The following SLC38A1 variants were observed in gnomAD, a reference collection of about 807,000 sequenced individuals.
SLC38A1 encodes solute carrier family 38 member 1.
Under a neutral mutation model 60.3 loss-of-function variants are expected in SLC38A1, and 18 were observed. That is an observed-to-expected ratio of 0.30 (90% CI 0.21 to 0.44). SLC38A1 has a LOEUF of 0.44. SLC38A1 is among the 20% of genes least tolerant of loss of function. SLC38A1 has a pLI of 1.00. For missense variants in SLC38A1, 448 were observed against 587.2 expected (o/e 0.76, Z 2.45); for synonymous variants, 196 against 212.1 (o/e 0.92, Z 0.66).
chr12:46,256,338 C>T (rs1037019630), intron 1 of SLC38A1, among the ~76,000 whole-genome samples: 2 of 151,972 alleles, frequency 1.3e-5, no homozygotes, highest in African/African-American at 4.8e-5. Context: ...AAAGGCATTA[C>T]ACTTTTTACT....
At position 46,186,335 on chromosome 12, in the gene SLC38A1, T is replaced by C. The variant is rs1938936015; in HGVS notation, c.*2635A>G. On this transcript the variant is annotated 3_prime_UTR_variant, in exon 17 of 17. Coordinates refer to ENST00000398637, the MANE Select transcript of SLC38A1 (RefSeq NM_030674.4). ...TAAGTCCAAAGTGTGGAACTGGCAC[T>C]GTTCACTAGTATAGAGATCCTACCT... The C allele has an allele frequency of 6.6e-6, 1 of 152,232 alleles. No homozygotes were observed. Among genetic ancestry groups the C allele is most frequent in the Non-Finnish European group, 1.5e-5 (1 of 68,032 alleles). 9.4% of individuals were successfully genotyped at this position (152,232 alleles called of 1,614,324 possible).
chr12:46,192,210 G>C (rs1296181126), intron 16 of SLC38A1, among the ~76,000 whole-genome samples: 1 of 152,172 alleles, frequency 6.6e-6, no homozygotes, highest in Non-Finnish European at 1.5e-5. Context: ...TTTGTCATTG[G>C]TTCTGTTTAT....
At chr12:46,216,017 T>C (rs757282244) in intron 5 of SLC38A1, among the ~76,000 whole-genome samples, 1 of 152,144 alleles carries the variant, frequency 6.6e-6, no homozygotes, top group Non-Finnish European at 1.5e-5. Context: ...AGACAAACCA[T>C]AGGAAATGCA....
At chr12:46,189,937 TA>T (rs754143548) in intron 16 of SLC38A1, among the ~76,000 whole-genome samples, 27 of 152,014 alleles carry the variant, frequency 1.8e-4, no homozygotes, top group African/African-American at 5.3e-4. Flanking sequence ...CTGTCTCAGG[TA>T]TTTTTTTTTA....
At chr12:46,247,021 T>C (rs768985195) in intron 1 of SLC38A1, among the ~76,000 whole-genome samples, 13 of 151,966 alleles carry the variant, frequency 8.6e-5, no homozygotes, top group Non-Finnish European at 1.3e-4. Context: ...CAAAACCCCA[T>C]CTGTAGGTCA....
intron 1 of SLC38A1, among the ~76,000 whole-genome samples, chr12:46,244,457 G>A (rs1411050507): frequency 2.6e-5 from 4 of 152,184 alleles, no homozygotes; most frequent in South Asian, 2.1e-4. Context: ...TTGCAGCTAG[G>A]TTTCTAGATA....
intron 16 of SLC38A1, among the ~76,000 whole-genome samples, chr12:46,194,968 G>A (rs1374259669): frequency 6.6e-6 from 1 of 152,076 alleles, no homozygotes; most frequent in Admixed American, 6.5e-5. Flanking sequence ...GTCTAGTTTT[G>A]TTCCCTTGCT....
At chr12:46,201,300 A>G in intron 12 of SLC38A1, 102 bp from the exon 13 acceptor site, 1 of 960,142 alleles carries the variant, frequency 1.0e-6, no homozygotes, top group East Asian at 2.6e-5. Context: ...CTGTCAGGTT[A>G]GGGAAGATCT....
rs371916780 is a variant in SLC38A1 at position 46,207,566 on chromosome 12, G to A, written c.444C>T (p.Phe148=). ...GEQVFGTTGK[F]VIFGATSLQN... ...GTAGAGAGGTGGCTCCAAAGATTACGAACTTCCCTGTGGTGCCAAAGACTT... is the reference window on the plus strand; with the variant it reads ...GTAGAGAGGTGGCTCCAAAGATTACAAACTTCCCTGTGGTGCCAAAGACTT... The change falls in exon 7 of 17, where the codon TTC becomes TTT. Residue 148 remains phenylalanine (F), a synonymous_variant. Transcript: ENST00000398637. The A allele has an allele frequency of 3.1e-6, 5 of 1,613,842 alleles. No individual in the cohort carries two copies. Among genetic ancestry groups the A allele is most frequent in the Admixed American group, 1.7e-5 (1 of 60,004 alleles).
Position 46,189,078 on chromosome 12 carries a change from C to A in SLC38A1, c.1363-7G>T, listed in dbSNP as rs772833550. 6.2e-7 allele frequency: 1 copy of A among 1,612,114 alleles called. No homozygotes were observed. The highest frequency in any genetic ancestry group is 1.1e-5 in the South Asian group (1 of 90,980). ...GGCCCAAGAAAAGGGCAGCCTGGAG[C>A]AAGAGAAAGGCAAGGGTTATTTTCA... On this transcript the variant is annotated splice_polypyrimidine_tract_variant and splice_region_variant and intron_variant, in intron 16 of 16. Coordinates refer to ENST00000398637, the MANE Select transcript of SLC38A1 (RefSeq NM_030674.4).
intron 1 of SLC38A1, among the ~76,000 whole-genome samples, chr12:46,258,592 C>T (rs990471773): frequency 3.9e-5 from 6 of 152,144 alleles, no homozygotes; most frequent in South Asian, 2.1e-4. Flanking sequence ...ACTTGGGCAT[C>T]GTGTCAGTGC....
At chr12:46,204,239 T>C in intron 11 of SLC38A1, 62 bp downstream of exon 11, 2 of 1,020,392 alleles carry the variant, frequency 2.0e-6, no homozygotes, top group South Asian at 2.6e-5. Context: ...ATTACAAGCA[T>C]GAGAAATAGA....
chr12:46,201,451 A>T (rs1248539170), intron 12 of SLC38A1, among the ~76,000 whole-genome samples: 1 of 152,192 alleles, frequency 6.6e-6, no homozygotes, highest in African/African-American at 2.4e-5. Flanking sequence ...TCGAGTTCTC[A>T]TCGGAAGGGC....
intron 12 of SLC38A1, among the ~76,000 whole-genome samples, chr12:46,202,191 CA>C (rs766799734): frequency 0.015 from 1,058 of 68,482 alleles, 6 homozygotes; most frequent in African/African-American, 0.072. Flanking sequence ...GACTCTGTCT[CA>C]AAAAAAAAAA....
At chr12:46,206,391 T>TC (rs1238342977) in intron 8 of SLC38A1, among the ~76,000 whole-genome samples, 1 of 151,936 alleles carries the variant, frequency 6.6e-6, no homozygotes, top group African/African-American at 2.4e-5. Flanking sequence ...TTTTTTTTTT[T>TC]CCCATTGGCT....
intron 16 of SLC38A1, 32 bp from the exon 17 acceptor site, chr12:46,189,103 A>G: frequency 6.3e-7 from 1 of 1,588,648 alleles, no homozygotes; most frequent in African/African-American, 1.3e-5. Context: ...GGTTATTTTC[A>G]GTGCAGCAAA....
At position 46,186,630 on chromosome 12, in the gene SLC38A1, A is replaced by G. The variant is rs1938946018; in HGVS notation, c.*2340T>C. The G allele has an allele frequency of 6.6e-6, 1 of 152,228 alleles. No homozygotes were observed. The highest frequency in any genetic ancestry group is 2.4e-5 in the African/African-American group (1 of 41,458). The allele number at this position is 152,228 out of a possible 1,614,324, so 9.4% of individuals were successfully genotyped here. A position where few individuals can be genotyped will look rare whatever the true frequency, so the allele number is the denominator to read the frequency against. ...TATATTCAGTCAACAACAAATTTAG[A>G]GAAACATACAAAGGTTTTTAAAAAT... On this transcript the variant is annotated 3_prime_UTR_variant, in exon 17 of 17. Coordinates refer to ENST00000398637, the MANE Select transcript of SLC38A1 (RefSeq NM_030674.4).
rs1940279055 is a variant in SLC38A1 at position 46,213,676 on chromosome 12, C to T, written c.315-4549G>A. 2.0e-5 allele frequency among the ~76,000 whole-genome samples: 3 copies of T among 152,338 alleles called. No individual in the cohort carries two copies. In the South Asian group the frequency reaches 6.2e-4, roughly 32 times the overall value. ...TCCATAGGCATTTTGTTCCCATCTC[C>T]ACTCTAGTGTGAGCCATCGTCCTTA... On this transcript the variant is annotated intron_variant, in intron 5 of 16. Coordinates refer to ENST00000398637, the MANE Select transcript of SLC38A1 (RefSeq NM_030674.4).
rs1209720384 is a variant in SLC38A1, at chr12:46,183,091, A to G, written c.*5879T>C. 2 of 152,600 alleles carry G rather than the reference A, an allele frequency of 1.3e-5. No individual in the cohort carries two copies. The highest frequency in any genetic ancestry group is 1.3e-4 in the Admixed American group (2 of 15,264). 9.5% of individuals were successfully genotyped at this position (152,600 alleles called of 1,614,324 possible). On this transcript the variant is annotated 3_prime_UTR_variant, in exon 17 of 17. Transcript: ENST00000398637. ...TTTTAGTTCACATTTTTTAATGTTT[A>G]AAAACTATGTTAACAGAGCAGTTAT...
Sources: gnomAD v4.1 joint callset for allele counts (sites outside exome capture counted in the v4.1 genomes callset) on GRCh38, gnomAD v4.1.1 for gene constraint, MANE v1.5 for transcripts, NCBI Gene and HGNC (gene_info 2026-07-23, HGNC 2026-07-21) for gene names.